The following KHDRBS2 variants were observed in gnomAD, a reference collection of about 807,000 sequenced individuals.
KHDRBS2 encodes the protein KH domain-containing, RNA-binding, signal transduction-associated protein 2.
KHDRBS2 carries 26 observed loss-of-function variants against 44.3 expected under a neutral mutation model. The observed-to-expected ratio is 0.59, with a 90% CI of 0.43 to 0.81. KHDRBS2 has a LOEUF of 0.81. Ranked by LOEUF, KHDRBS2 falls within the 40% of genes least tolerant of loss-of-function variation. The pLI is 0.00. For synonymous variants in KHDRBS2, 194 were observed against 151.1 expected (o/e 1.28, Z -2.08); for missense variants, 476 against 433.1 (o/e 1.10, Z -0.88).
intron 6 of KHDRBS2, among the ~76,000 whole-genome samples, chr6:61,780,698 A>G (rs1326956415): frequency 6.6e-6 from 1 of 152,150 alleles, no homozygotes; most frequent in Non-Finnish European, 1.5e-5. Context: ...TTTGTAACAA[A>G]CATTCATCTA....
intron 3 of KHDRBS2, among the ~76,000 whole-genome samples, chr6:62,030,094 G>A (rs952552771): frequency 6.6e-6 from 1 of 151,942 alleles, no homozygotes; most frequent in African/African-American, 2.4e-5. Context: ...TTCTGGAACA[G>A]CCACAAGAGA....
chr6:61,560,107 G>C, the KHDRBS2 span, among the ~76,000 whole-genome samples: 1 of 151,980 alleles, frequency 6.6e-6, no homozygotes. Context: ...TTTTCCTTCA[G>C]CATATTAAAT....
At chr6:62,224,634 G>T (rs1831461250) in intron 1 of KHDRBS2, among the ~76,000 whole-genome samples, 1 of 152,080 alleles carries the variant, frequency 6.6e-6, no homozygotes, top group Non-Finnish European at 1.5e-5. Flanking sequence ...ATATACTTTA[G>T]AATTTCTCCT....
At chr6:61,999,882 C>CA (rs1289711374) in intron 3 of KHDRBS2, among the ~76,000 whole-genome samples, 7 of 152,038 alleles carry the variant, frequency 4.6e-5, no homozygotes, top group Admixed American at 4.6e-4. Flanking sequence ...AAATCAGAAA[C>CA]AAAATTAAAG....
chr6:61,769,841 G>T (rs1419749150), intron 6 of KHDRBS2, among the ~76,000 whole-genome samples: 1 of 152,160 alleles, frequency 6.6e-6, no homozygotes, highest in Admixed American at 6.5e-5. Context: ...GAGAGTAGTG[G>T]TTCTCCCAGC....
intron 2 of KHDRBS2, among the ~76,000 whole-genome samples, chr6:62,112,527 A>G (rs1805251532): frequency 6.6e-6 from 1 of 152,176 alleles, no homozygotes; most frequent in Admixed American, 6.6e-5. Context: ...ACCAGCAAAT[A>G]TGTTCACTGA....
chr6:61,808,422 T>C (rs1787530474), intron 6 of KHDRBS2, among the ~76,000 whole-genome samples: 1 of 152,136 alleles, frequency 6.6e-6, no homozygotes, highest in Non-Finnish European at 1.5e-5. Context: ...GAATTCTAGT[T>C]CTAGTTCCAT....
chr6:62,181,862 G>A (rs899951929), intron 1 of KHDRBS2, among the ~76,000 whole-genome samples: 5 of 151,964 alleles, frequency 3.3e-5, no homozygotes, highest in African/African-American at 1.2e-4. Flanking sequence ...TGGGAACACA[G>A]CTAGAAGGTA....
At chr6:61,945,107 A>ATATATATATGT (rs1562490070) in intron 4 of KHDRBS2, among the ~76,000 whole-genome samples, 655 of 37,276 alleles carry the variant, frequency 0.018, 63 homozygotes, top group Middle Eastern at 0.027. Flanking sequence ...AAAAAAAAAA[A>ATATATATATGT]AAAAAGTATA....
intron 2 of KHDRBS2, among the ~76,000 whole-genome samples, chr6:62,131,670 T>C (rs1434177951): frequency 6.6e-6 from 1 of 152,198 alleles, no homozygotes; most frequent in Non-Finnish European, 1.5e-5. Flanking sequence ...GGTTTCCTAT[T>C]GGGGTCCTAA....
At chr6:61,638,509 A>C in the KHDRBS2 span, among the ~76,000 whole-genome samples, 10 of 152,174 alleles carry the variant, frequency 6.6e-5, no homozygotes, top group African/African-American at 2.4e-4. Context: ...AATCAATTCA[A>C]GATGGATTAA....
chr6:61,855,905 C>A (rs1796086515), intron 6 of KHDRBS2, among the ~76,000 whole-genome samples: 1 of 151,940 alleles, frequency 6.6e-6, no homozygotes, highest in African/African-American at 2.4e-5. Context: ...TCTCACTCAG[C>A]CCACTCCTTC....
At chr6:61,666,005 A>C in the KHDRBS2 span, among the ~76,000 whole-genome samples, 1 of 151,156 alleles carries the variant, frequency 6.6e-6, no homozygotes, top group Non-Finnish European at 1.5e-5. Context: ...TATTAAGATC[A>C]AAACTATTAG....
chr6:62,047,992 G>A lies in KHDRBS2; in HGVS notation c.222C>T (p.Phe74=), dbSNP rs914737061. 1.1e-5 allele frequency: 16 copies of A among 1,523,062 alleles called. No homozygotes were observed. The highest frequency in any genetic ancestry group is 1.7e-4 in the Middle Eastern group (1 of 5,922). The allele number at this position is 1,523,062 out of a possible 1,614,324, so 94.3% of individuals were successfully genotyped here. Residue 74 remains phenylalanine (F), a splice_region_variant and synonymous_variant, in exon 3 of 9, where the codon TTC becomes TTT. Transcript: ENST00000281156. ...GTCCAAGCAATTTCCCCACAAAATTGAACTAGGAAACAAAATCAATAGAAT... is the reference window on the plus strand; with the variant it reads ...GTCCAAGCAATTTCCCCACAAAATTAAACTAGGAAACAAAATCAATAGAAT... ...VLIPVKQYPK[F]NFVGKLLGPR...
At chr6:62,261,705 A>C (rs751355615) in intron 1 of KHDRBS2, among the ~76,000 whole-genome samples, 1 of 151,924 alleles carries the variant, frequency 6.6e-6, no homozygotes, top group South Asian at 2.1e-4. Context: ...TATATTACCT[A>C]TCTTCTTCAG....
At chr6:61,890,050 A>C (rs1337351372) in intron 6 of KHDRBS2, among the ~76,000 whole-genome samples, 2 of 152,138 alleles carry the variant, frequency 1.3e-5, no homozygotes, top group Non-Finnish European at 2.9e-5. Context: ...CGGAGCACTT[A>C]TCTCTACCTC....
At chr6:62,141,204 C>A (rs1812731004) in intron 2 of KHDRBS2, among the ~76,000 whole-genome samples, 1 of 152,064 alleles carries the variant, frequency 6.6e-6, no homozygotes, top group African/African-American at 2.4e-5. Context: ...GAGTAGAATG[C>A]ATATTGTAAA....
intron 3 of KHDRBS2, among the ~76,000 whole-genome samples, chr6:61,983,252 TTTTTTATA>T (rs1187918448): frequency 1.2e-4 from 7 of 59,972 alleles, no homozygotes; most frequent in African/African-American, 4.7e-4. Context: ...TTTTTTTTTT[TTTTTTATA>T]GTGACTAAGT....
intron 3 of KHDRBS2, among the ~76,000 whole-genome samples, chr6:62,024,400 G>A (rs1782922750): frequency 6.6e-6 from 1 of 151,386 alleles, no homozygotes; most frequent in Non-Finnish European, 1.5e-5. Flanking sequence ...TGTCAGGCAT[G>A]TGCATAGTAA....
Sources: allele counts gnomAD v4.1 joint callset (sites outside exome capture counted in the v4.1 genomes callset), GRCh38; gene constraint gnomAD v4.1.1; transcripts MANE v1.5; gene names NCBI Gene and HGNC (gene_info 2026-07-23, HGNC 2026-07-21).